The following PTCD3 variants were observed in gnomAD, a reference collection of about 807,000 sequenced individuals.
The protein encoded by PTCD3 is small ribosomal subunit protein mS39.
A neutral mutation model predicts 101.9 loss-of-function variants in PTCD3; 89 were observed. The ratio of observed to expected loss-of-function variants is 0.87; its 90% CI spans 0.74 to 1.04. The LOEUF (loss-of-function observed/expected upper bound fraction) is 1.04, where lower values mean the gene tolerates loss of function less well. PTCD3 is among the 50% of genes least tolerant of loss of function. PTCD3 has a pLI of 0.00. For synonymous variants in PTCD3, 296 were observed against 278.5 expected (o/e 1.06, Z -0.63); for missense variants, 870 against 828.2 (o/e 1.05, Z -0.62).
chr2:86,123,826 C>T (rs1674337064), intron 9 of PTCD3, 64 bp downstream of exon 9: 1 of 1,062,778 alleles, frequency 9.4e-7, no homozygotes, highest in Non-Finnish European at 1.3e-6. Context: ...TATGCCCCAT[C>T]ACCCTGTGAA....
Position 86,125,007 on chromosome 2 carries a change from C to G in PTCD3, c.729C>G (p.Asn243Lys). 1.9e-6 allele frequency: 3 copies of G among 1,613,900 alleles called. No individual in the cohort carries two copies. The highest frequency in any genetic ancestry group is 2.5e-6 in the Non-Finnish European group (3 of 1,179,982). ...QFGVTWRAKN[N>K]AERIFSLMPE... is the part of the protein sequence containing the mutation. ...CTCTTGTGTCTAGAGCAAAAAACAACGCTGAGAGAATCTTTTCTCTAATGC... is the reference window on the plus strand; with the variant it reads ...CTCTTGTGTCTAGAGCAAAAAACAAGGCTGAGAGAATCTTTTCTCTAATGC... Residue 243 changes from asparagine to lysine, a missense_variant, in exon 10 of 24, where the codon AAC (asparagine) becomes AAG (lysine). Asn to Lys is a moderately conservative substitution (Grantham distance 94). Transcript: ENST00000254630.
At chr2:86,133,137 T>TA (rs1425077105) in intron 17 of PTCD3, 41 bp from the exon 18 acceptor site, 43 of 1,601,708 alleles carry the variant, frequency 2.7e-5, no homozygotes, top group Non-Finnish European at 3.6e-5. Context: ...TTGTTAGACA[T>TA]AGGGACTTTA....
chr2:86,125,183 C>CT, intron 10 of PTCD3, 101 bp downstream of exon 10: 1 of 1,503,106 alleles, frequency 6.7e-7, no homozygotes, highest in Non-Finnish European at 8.9e-7. Context: ...GTTGTGGGGT[C>CT]TGTCCTGTGC....
At chr2:86,124,119 A>G (rs1674340346) in intron 9 of PTCD3, among the ~76,000 whole-genome samples, 1 of 152,216 alleles carries the variant, frequency 6.6e-6, no homozygotes, top group African/African-American at 2.4e-5. Context: ...TAAAAATATC[A>G]TGGACACTAG....
At position 86,137,012 on chromosome 2, in the gene PTCD3, T is replaced by C; in HGVS notation, c.1851T>C (p.Ser617=). 1.9e-6 allele frequency: 3 copies of C among 1,613,788 alleles called. No individual in the cohort carries two copies. The highest frequency in any genetic ancestry group is 4.5e-5 in the East Asian group (2 of 44,858). ...RSELLNELMD[S]AKVSNSPSQA... is the part of the protein sequence containing the mutation. Reference sequence around the variant, plus strand: ...AGTTGCTGAATGAGCTTATGGACAGTGCAAAAGTGTCTAACAGCCCTTCCC... The same window carrying C: ...AGTTGCTGAATGAGCTTATGGACAGCGCAAAAGTGTCTAACAGCCCTTCCC... The change falls in exon 23 of 24, where the codon AGT becomes AGC. Residue 617 remains serine, a synonymous_variant. Transcript: ENST00000254630.
intron 23 of PTCD3, 52 bp from the exon 24 acceptor site, chr2:86,137,417 C>T: frequency 6.2e-7 from 1 of 1,609,860 alleles, no homozygotes; most frequent in Non-Finnish European, 8.5e-7. Flanking sequence ...CACCGAGAAC[C>T]CCAGCACCCA....
chr2:86,108,813 C>A, intron 3 of PTCD3: 1 of 331,492 alleles, frequency 3.0e-6, no homozygotes, highest in East Asian at 4.7e-5. Flanking sequence ...CATGGTTATA[C>A]ATGAACATCA....
At chr2:86,130,871 A>G in intron 15 of PTCD3, 134 bp downstream of exon 15, 8 of 1,449,028 alleles carry the variant, frequency 5.5e-6, no homozygotes, top group Non-Finnish European at 7.3e-6. Flanking sequence ...TTGAGTACAT[A>G]GTAGGTGTAT....
At chr2:86,119,086 T>C in intron 7 of PTCD3, 42 bp downstream of exon 7, 1 of 1,603,960 alleles carries the variant, frequency 6.2e-7, no homozygotes. Flanking sequence ...ACATGGGCTT[T>C]GAAGTGGGCC....
At position 86,116,516 on chromosome 2, in the gene PTCD3, T is replaced by G. The variant is rs759115652; in HGVS notation, c.241-14T>G. 4 of 1,590,118 alleles carry G rather than the reference T, an allele frequency of 2.5e-6. No individual in the cohort carries two copies. Among genetic ancestry groups the G allele is most frequent in the African/African-American group, 2.7e-5 (2 of 74,412 alleles). On this transcript the variant is annotated splice_polypyrimidine_tract_variant and intron_variant, in intron 4 of 23. Transcript: ENST00000254630. ...CAAAATAAATATAGAAATTGTATTA[T>G]GTCTTTTCCACAGGATACCACAGCT...
At position 86,121,518 on chromosome 2, in the gene PTCD3, A is replaced by G; in HGVS notation, c.578A>G (p.Asp193Gly). ...VSLETTNSLLDLLCYYGDQEP... is the reference protein window; with the variant it reads ...VSLETTNSLLGLLCYYGDQEP... ...CTTGAAACAACAAATAGTCTCTTGG[A>G]TTTATTGTGTTACTATGGTGACCAG... The change falls in exon 8 of 24, where the codon GAT (aspartate) becomes GGT (glycine). Residue 193 changes from aspartate (D) to glycine (G), a missense_variant. By Grantham distance (94) the Asp-to-Gly change is moderately conservative (BLOSUM62 -1). Coordinates refer to ENST00000254630, the MANE Select transcript of PTCD3 (RefSeq NM_017952.6). 1 of 1,610,432 alleles carries G rather than the reference A, an allele frequency of 6.2e-7. No individual in the cohort carries two copies. The highest frequency in any genetic ancestry group is 8.5e-7 in the Non-Finnish European group (1 of 1,178,448).
chr2:86,116,655 T>G, intron 5 of PTCD3, 57 bp downstream of exon 5: 2 of 1,285,520 alleles, frequency 1.6e-6, no homozygotes, highest in East Asian at 2.3e-5. Flanking sequence ...CGTACAACAG[T>G]ACATAAATAA....
intron 3 of PTCD3, among the ~76,000 whole-genome samples, chr2:86,110,535 A>G (rs1270100179): frequency 6.6e-6 from 1 of 152,228 alleles, no homozygotes; most frequent in Admixed American, 6.5e-5. Context: ...ATAGTTCAGT[A>G]AAGGTCTCTA....
At position 86,141,963 on chromosome 2, in the gene PTCD3, C is replaced by T. The variant is rs1288678815; in HGVS notation, c.*4404C>T. ...TTTTGCACATGTTACTGAGTTACAT[C>T]TCAGGAAGATTTTTAAGCACGAGGA... On this transcript the variant is annotated 3_prime_UTR_variant, in exon 24 of 24. Transcript: ENST00000254630. The T allele has an allele frequency of 6.6e-6, 1 of 152,154 alleles. No homozygotes were observed. Among genetic ancestry groups the T allele is most frequent in the Non-Finnish European group, 1.5e-5 (1 of 68,056 alleles). 9.4% of individuals were successfully genotyped at this position (152,154 alleles called of 1,614,324 possible). A position where few individuals can be genotyped will look rare whatever the true frequency, so the allele number is the denominator to read the frequency against.
chr2:86,123,067 G>A (rs891224097), intron 8 of PTCD3, among the ~76,000 whole-genome samples: 3 of 151,938 alleles, frequency 2.0e-5, no homozygotes, highest in African/African-American at 7.3e-5. Flanking sequence ...AGACCATCCT[G>A]GCTAACATGG....
chr2:86,134,047 G>C (rs1305582834), intron 19 of PTCD3, among the ~76,000 whole-genome samples: 4 of 152,188 alleles, frequency 2.6e-5, no homozygotes, highest in Non-Finnish European at 5.9e-5. Flanking sequence ...TCTTAACCAC[G>C]TGGAGCTGGT....
chr2:86,113,598 G>T (rs1674127252), intron 4 of PTCD3, among the ~76,000 whole-genome samples: 1 of 152,090 alleles, frequency 6.6e-6, no homozygotes, highest in South Asian at 2.1e-4. Flanking sequence ...GTGAGCTCGG[G>T]ACTTTGAGAT....
chr2:86,130,169 C>G (rs1249886223), intron 14 of PTCD3, among the ~76,000 whole-genome samples: 1 of 151,962 alleles, frequency 6.6e-6, no homozygotes, highest in East Asian at 1.9e-4. Flanking sequence ...GGCGTGGTGG[C>G]GAGGGCGTTA....
At chr2:86,137,206 T>C in intron 23 of PTCD3, 66 bp downstream of exon 23, 1 of 1,475,652 alleles carries the variant, frequency 6.8e-7, no homozygotes. Flanking sequence ...CCATTCAAAA[T>C]GTTCATAGCT....
Sources: allele counts gnomAD v4.1 joint callset (sites outside exome capture counted in the v4.1 genomes callset), GRCh38; gene constraint gnomAD v4.1.1; transcripts MANE v1.5; gene names NCBI Gene and HGNC (gene_info 2026-07-23, HGNC 2026-07-21).